The following CFAP46 variants were observed in gnomAD, a reference collection of about 807,000 sequenced individuals.
The protein encoded by CFAP46 is cilia- and flagella-associated protein 46.
CFAP46 carries 245 observed loss-of-function variants against 325.7 expected under a neutral mutation model. The observed-to-expected ratio is 0.75, with a 90% CI of 0.68 to 0.84. CFAP46 has a LOEUF of 0.84. Among genes scored for constraint, CFAP46 ranks in the 40% least tolerant of loss-of-function variants. The probability of loss-of-function intolerance (pLI) is 0.00; values close to 1 mark genes in which losing one functional copy is unlikely to be tolerated. For missense variants in CFAP46, 3,346 were observed against 3,543.0 expected, an observed-to-expected ratio of 0.94 and a Z score of 1.41; for synonymous variants, 1,523 against 1,495.9, an observed-to-expected ratio of 1.02 and a Z score of -0.42.
At chr10:132,913,450 C>T (rs989632164) in intron 17 of CFAP46, among the ~76,000 whole-genome samples, 192 bp from the exon 18 acceptor site, 11 of 152,316 alleles carry the variant, frequency 7.2e-5, no homozygotes, top group Middle Eastern at 3.4e-3. Flanking sequence ...CCCCGCCTCC[C>T]GTCCCATCAA....
chr10:132,910,178 G>A lies in CFAP46; in HGVS notation c.2500-110C>T, dbSNP rs796550285. 5.0e-5 allele frequency: 56 copies of A among 1,127,598 alleles called. No homozygotes were observed. The Middle Eastern group carries it at 4.5e-3, about 90-fold the overall frequency. The allele number at this position is 1,127,598 out of a possible 1,614,324, so 69.8% of individuals were successfully genotyped here. A position where few individuals can be genotyped will look rare whatever the true frequency, so the allele number is the denominator to read the frequency against. On this transcript the variant is annotated intron_variant, in intron 19 of 57. Transcript: ENST00000368586. ...GGAGCCCGCTCCTGATCCAGCCCGT[G>A]AAGGGCCTTAAACACGAGACCTCAG... is the stretch of plus-strand genomic sequence containing the variant.
intron 25 of CFAP46, among the ~76,000 whole-genome samples, chr10:132,887,684 CCTCT>C (rs762517707): frequency 0.011 from 1,201 of 108,662 alleles, 71 homozygotes; most frequent in Non-Finnish European, 0.018. Flanking sequence ...TCTCTCCTCT[CCTCT>C]CTCTCTCCTC....
At chr10:132,826,967 G>A (rs1353143223) in intron 50 of CFAP46, among the ~76,000 whole-genome samples, 7 of 152,194 alleles carry the variant, frequency 4.6e-5, no homozygotes, top group Non-Finnish European at 1.0e-4. Context: ...GGGTGCAGGT[G>A]CTGCCTCCTG....
intron 6 of CFAP46, 50 bp from the exon 7 acceptor site, chr10:132,937,105 G>A: frequency 9.2e-7 from 1 of 1,085,648 alleles, no homozygotes; most frequent in Non-Finnish European, 1.3e-6. Context: ...CAATTCGGTA[G>A]AGGTTCAGAT....
Position 132,938,694 on chromosome 10 carries a change from A to G in CFAP46, c.431T>C (p.Leu144Pro), listed in dbSNP as rs1263518153. The G allele has an allele frequency of 6.2e-7, 1 of 1,613,536 alleles. No individual in the cohort carries two copies. The highest frequency in any genetic ancestry group is 8.5e-7 in the Non-Finnish European group (1 of 1,179,950). Residue 144 changes from leucine (L) to proline (P), a missense_variant, in exon 5 of 58, where the codon CTC becomes CCC. Coordinates refer to ENST00000368586, the MANE Select transcript of CFAP46 (RefSeq NM_001200049.3). The stretch of plus-strand genomic sequence containing the variant: ...CAGATGGTGACGATATCCAGGCTTG[A>G]GGAACGGCCTCACCATCTGCCAGTA... Reference protein sequence around the residue: ...VLYWQMVRPFLKPGYRHHLIP... With the variant: ...VLYWQMVRPFPKPGYRHHLIP...
intron 24 of CFAP46, among the ~76,000 whole-genome samples, chr10:132,894,132 T>C (rs1173952533): frequency 1.3e-5 from 2 of 152,270 alleles, no homozygotes; most frequent in Non-Finnish European, 2.9e-5. Flanking sequence ...TAATGTACTT[T>C]GGTGGTGTGT....
intron 53 of CFAP46, 48 bp from the exon 54 acceptor site, chr10:132,814,302 C>A (rs774789683): frequency 6.7e-7 from 1 of 1,500,680 alleles, no homozygotes; most frequent in Non-Finnish European, 9.2e-7. Flanking sequence ...TCATCAGACA[C>A]GGGTGTGCAG....
intron 40 of CFAP46, among the ~76,000 whole-genome samples, 176 bp from the exon 41 acceptor site, chr10:132,850,608 G>A (rs558147879): frequency 2.8e-4 from 42 of 152,306 alleles, no homozygotes; most frequent in African/African-American, 9.6e-4. Context: ...GGTCACAGAC[G>A]TCTGCTCATA....
chr10:132,878,730 C>T (rs1224986739), intron 29 of CFAP46, among the ~76,000 whole-genome samples: 1 of 152,106 alleles, frequency 6.6e-6, no homozygotes, highest in East Asian at 1.9e-4. Context: ...GATAGGGGGG[C>T]CTCCCTGCCT....
intron 31 of CFAP46, among the ~76,000 whole-genome samples, chr10:132,873,924 T>C (rs904425639): frequency 6.6e-6 from 1 of 152,096 alleles, no homozygotes; most frequent in Non-Finnish European, 1.5e-5. Context: ...ACACAACCTA[T>C]GAAAACTGTT....
intron 22 of CFAP46, among the ~76,000 whole-genome samples, chr10:132,908,070 G>A (rs67700342): frequency 0.13 from 19,772 of 152,248 alleles, 2,371 homozygotes; most frequent in African/African-American, 0.31. Context: ...CACCCCTCCT[G>A]CTGAGGCCCA....
chr10:132,913,156 C>T lies in CFAP46; in HGVS notation c.2223G>A (p.Val741=). The change falls in exon 18 of 58, where the codon GTG becomes GTA. Residue 741 remains valine (V), a synonymous_variant. Coordinates refer to ENST00000368586, the MANE Select transcript of CFAP46 (RefSeq NM_001200049.3). ...IQEAWIVQNA[V]VYVLNHNHHL... ...GGTGGTTGTGGTTCAGGACGTAGAC[C>T]ACGGCGTTCTGCACAATCCACGCCT... is the stretch of plus-strand genomic sequence containing the variant. 6.4e-7 allele frequency: 1 copy of T among 1,550,462 alleles called. No homozygotes were observed. The highest frequency in any genetic ancestry group is 1.2e-5 in the South Asian group (1 of 84,056).
At chr10:132,859,322 T>C in intron 37 of CFAP46, 75 bp from the exon 38 acceptor site, 1 of 1,328,064 alleles carries the variant, frequency 7.5e-7, no homozygotes. Context: ...GGGCTGCCGC[T>C]GTTCTCCCCG....
At chr10:132,822,395 T>C (rs1454462894) in intron 50 of CFAP46, among the ~76,000 whole-genome samples, 1 of 144,224 alleles carries the variant, frequency 6.9e-6, no homozygotes, top group Non-Finnish European at 1.5e-5. Flanking sequence ...TGATGTGTGC[T>C]GATGTGTGCA....
At chr10:132,815,933 G>T (rs1847685134) in intron 50 of CFAP46, among the ~76,000 whole-genome samples, 2 of 152,198 alleles carry the variant, frequency 1.3e-5, no homozygotes, top group Admixed American at 6.5e-5. Flanking sequence ...TATTACTGGG[G>T]AGATTTATCT....
intron 9 of CFAP46, among the ~76,000 whole-genome samples, chr10:132,927,288 C>A (rs1451814908): frequency 6.6e-6 from 1 of 152,234 alleles, no homozygotes; most frequent in Non-Finnish European, 1.5e-5. Flanking sequence ...TCACAACTAT[C>A]AGACACAGAC....
intron 40 of CFAP46, among the ~76,000 whole-genome samples, chr10:132,850,688 A>G (rs1848524003): frequency 6.6e-6 from 1 of 152,224 alleles, no homozygotes; most frequent in East Asian, 1.9e-4. Context: ...ACTTATGTAA[A>G]TTAATTTGAG....
At chr10:132,899,959 G>A (rs1246237233) in intron 22 of CFAP46, among the ~76,000 whole-genome samples, 1 of 152,154 alleles carries the variant, frequency 6.6e-6, no homozygotes, top group East Asian at 1.9e-4. Context: ...TCTCAACCAC[G>A]GAGCTGGCAG....
chr10:132,816,169 G>C (rs529927828), intron 50 of CFAP46, among the ~76,000 whole-genome samples: 2 of 151,688 alleles, frequency 1.3e-5, no homozygotes, highest in Non-Finnish European at 2.9e-5. Flanking sequence ...GGGGACTTCC[G>C]GGTTCTCCTG....
Sources: gnomAD v4.1 joint callset for allele counts (sites outside exome capture counted in the v4.1 genomes callset) on GRCh38, gnomAD v4.1.1 for gene constraint, MANE v1.5 for transcripts, NCBI Gene and HGNC (gene_info 2026-07-23, HGNC 2026-07-21) for gene names.